Variants in PTPRM observed in about 807,000 individuals in gnomAD.
The protein encoded by PTPRM is receptor-type tyrosine-protein phosphatase mu.
In PTPRM, 47 loss-of-function variants were observed where a neutral mutation model predicts 186.7. That is an observed-to-expected ratio of 0.25 (90% CI 0.20 to 0.32). The LOEUF is 0.32. Ranked by LOEUF, PTPRM falls within the 10% of genes least tolerant of loss-of-function variation. The pLI, the probability that PTPRM is intolerant of heterozygous loss-of-function variation, is 1.00. For missense variants in PTPRM, 1,494 were observed against 1,865.0 expected, an observed-to-expected ratio of 0.80 and a Z score of 3.66; for synonymous variants, 668 against 674.9, an observed-to-expected ratio of 0.99 and a Z score of 0.16.
At chr18:7,639,668 A>G (rs1043411715) in intron 1 of PTPRM, among the ~76,000 whole-genome samples, 1 of 152,210 alleles carries the variant, frequency 6.6e-6, no homozygotes, top group South Asian at 2.1e-4. Flanking sequence ...CTGGGATTAC[A>G]GGCTTGAGCC....
chr18:8,258,727 C>T (rs555925721), intron 19 of PTPRM, among the ~76,000 whole-genome samples: 76 of 152,182 alleles, frequency 5.0e-4, no homozygotes, highest in Non-Finnish European at 8.2e-4. Flanking sequence ...AAGGCTACTT[C>T]CAGAGAGGAT....
At chr18:8,086,358 T>C (rs1410668990) in intron 10 of PTPRM, among the ~76,000 whole-genome samples, 1 of 152,130 alleles carries the variant, frequency 6.6e-6, no homozygotes, top group African/African-American at 2.4e-5. Flanking sequence ...GGCCTCCAGC[T>C]TTTTGCTTTT....
At chr18:8,318,619 T>A (rs2095326365) in intron 21 of PTPRM, among the ~76,000 whole-genome samples, 1 of 152,156 alleles carries the variant, frequency 6.6e-6, no homozygotes, top group South Asian at 2.1e-4. Context: ...GCCTCAATTT[T>A]TATCTGTCTT....
rs28686945 is a variant in PTPRM, at chr18:8,159,961, A to T, written c.2300+16182A>T. On this transcript the variant is annotated intron_variant, in intron 14 of 32. Transcript: ENST00000580170. ...AATGGACAGACTCCCTACGTGTAGTAGTATGAATTTGTTAAAGTTTGAATA... is the reference window on the plus strand; with the variant it reads ...AATGGACAGACTCCCTACGTGTAGTTGTATGAATTTGTTAAAGTTTGAATA... Among the ~76,000 whole-genome samples the T allele has an allele frequency of 7.9e-3, 1,210 of 152,212 alleles. 14 individuals are homozygous for T. Among genetic ancestry groups the T allele is most frequent in the African/African-American group, 0.028 (1,163 of 41,556 alleles).
intron 14 of PTPRM, among the ~76,000 whole-genome samples, chr18:8,172,153 T>G (rs1054672601): frequency 6.6e-6 from 1 of 152,084 alleles, no homozygotes; most frequent in African/African-American, 2.4e-5. Context: ...AGAGGTTTAA[T>G]GGACTCACAG....
At chr18:7,643,805 C>T (rs2144204811) in intron 1 of PTPRM, among the ~76,000 whole-genome samples, 1 of 152,220 alleles carries the variant, frequency 6.6e-6, no homozygotes, top group South Asian at 2.1e-4. Context: ...TTAATTTTTA[C>T]TCAGATTATC....
At chr18:7,749,265 AG>A (rs2041094902) in intron 1 of PTPRM, 1 of 152,022 alleles carries the variant, frequency 6.6e-6, no homozygotes, top group African/African-American at 2.4e-5. Context: ...GCACCCTTTT[AG>A]CTGGCAGAAT....
At chr18:7,648,027 T>C (rs780553791) in intron 1 of PTPRM, among the ~76,000 whole-genome samples, 3 of 152,248 alleles carry the variant, frequency 2.0e-5, no homozygotes, top group African/African-American at 4.8e-5. Context: ...AGCAAATCTA[T>C]TGGTGCTTTT....
intron 23 of PTPRM, among the ~76,000 whole-genome samples, chr18:8,360,391 T>C (rs1171445920): frequency 1.7e-5 from 2 of 117,818 alleles, no homozygotes; most frequent in African/African-American, 7.0e-5. Flanking sequence ...TGCCGTGAAA[T>C]CTATGCAAAA....
chr18:7,850,668 C>G lies in PTPRM; in HGVS notation c.197-37438C>G, dbSNP rs1035978002. 1.2e-4 allele frequency among the ~76,000 whole-genome samples: 19 copies of G among 152,308 alleles called. No homozygotes were observed. In the South Asian group the frequency reaches 2.1e-3, roughly 17 times the overall value. ...TCTGAGAAGTGATTTCTCACAGTGA[C>G]TGAAGCCAAGCTTCTGATCATGCAA... On this transcript the variant is annotated intron_variant, in intron 2 of 32. Transcript: ENST00000580170.
chr18:7,612,934 A>T (rs1318442083), intron 1 of PTPRM, among the ~76,000 whole-genome samples: 2 of 152,192 alleles, frequency 1.3e-5, no homozygotes, highest in Non-Finnish European at 2.9e-5. Context: ...TCATGCTCCC[A>T]GCTCCTATTC....
At chr18:8,079,062 T>G (rs1452707710) in intron 9 of PTPRM, among the ~76,000 whole-genome samples, 1 of 152,230 alleles carries the variant, frequency 6.6e-6, no homozygotes, top group Non-Finnish European at 1.5e-5. Context: ...TTGCTTATTA[T>G]GAAAGATACA....
intron 1 of PTPRM, among the ~76,000 whole-genome samples, chr18:7,762,667 GT>G: frequency 6.6e-6 from 1 of 152,136 alleles, no homozygotes. Flanking sequence ...CAGAATCCAG[GT>G]TTGAGGGAAT....
chr18:8,149,705 T>A (rs1481084455), intron 14 of PTPRM, among the ~76,000 whole-genome samples: 1 of 152,186 alleles, frequency 6.6e-6, no homozygotes, highest in Admixed American at 6.5e-5. Flanking sequence ...GATAGCTGGT[T>A]ATTTTGCCCG....
chr18:8,084,988 G>A (rs1242240046), intron 9 of PTPRM, among the ~76,000 whole-genome samples: 4 of 152,050 alleles, frequency 2.6e-5, no homozygotes, highest in African/African-American at 9.7e-5. Context: ...ATCACACATG[G>A]CAATTTAAAT....
intron 19 of PTPRM, among the ~76,000 whole-genome samples, chr18:8,264,904 G>A (rs1346442138): frequency 6.6e-6 from 1 of 151,966 alleles, no homozygotes; most frequent in Non-Finnish European, 1.5e-5. Context: ...CAGAATTTAA[G>A]TAACTCGCCC....
At chr18:7,818,937 A>G (rs1200035967) in intron 2 of PTPRM, among the ~76,000 whole-genome samples, 2 of 152,170 alleles carry the variant, frequency 1.3e-5, no homozygotes, top group Non-Finnish European at 2.9e-5. Context: ...AGAGCCCTAG[A>G]AACCTCAGGT....
chr18:7,977,497 C>A (rs991717129), intron 7 of PTPRM, among the ~76,000 whole-genome samples: 1 of 152,024 alleles, frequency 6.6e-6, no homozygotes, highest in Non-Finnish European at 1.5e-5. Flanking sequence ...CAGGGAACAG[C>A]CTTGGAATAT....
rs1343107212 is a variant in PTPRM at position 8,343,436 on chromosome 18, A to G, written c.2970A>G (p.Glu990=). Residue 990 remains glutamate, a synonymous_variant, in exon 23 of 33, where the codon GAA becomes GAG. Coordinates refer to ENST00000580170, the MANE Select transcript of PTPRM (RefSeq NM_001105244.2). ...HYIATQGPMQ[E]TIYDFWRMVW... is the part of the protein sequence containing the mutation. ...GTTTTGCTGCAGGGCCAATGCAGGA[A>G]ACCATCTATGACTTCTGGAGGATGG... 7 of 1,613,522 alleles carry G rather than the reference A, an allele frequency of 4.3e-6. No homozygotes were observed. Among genetic ancestry groups the G allele is most frequent in the Non-Finnish European group, 5.9e-6 (7 of 1,179,844 alleles).
Sources: allele counts gnomAD v4.1 joint callset (sites outside exome capture counted in the v4.1 genomes callset), GRCh38; gene constraint gnomAD v4.1.1; transcripts MANE v1.5; gene names NCBI Gene and HGNC (gene_info 2026-07-23, HGNC 2026-07-21).